Variants in BCLAF3 observed in about 807,000 individuals in gnomAD.
The protein encoded by BCLAF3 is transient octamer binding factor 1.
BCLAF3 carries 24 observed loss-of-function variants against 51.2 expected under a neutral mutation model. That is an observed-to-expected ratio of 0.47 (90% CI 0.34 to 0.66). The LOEUF is 0.66. Among genes scored for constraint, BCLAF3 ranks in the 30% least tolerant of loss-of-function variants. The pLI is 0.01. For synonymous variants in BCLAF3, 152 were observed against 176.6 expected, an observed-to-expected ratio of 0.86 and a Z score of 1.10; for missense variants, 465 against 525.1, an observed-to-expected ratio of 0.89 and a Z score of 1.12.
At chrX:19,987,065 CAA>C (rs2072824664) in intron 1 of BCLAF3, among the ~76,000 whole-genome samples, 1 of 110,480 alleles carries the variant, frequency 9.1e-6, no homozygotes. Flanking sequence ...TTCAGCCTCC[CAA>C]AGTGCTGGGA....
In BCLAF3 at chrX:19,913,721, C is replaced by T. The variant is rs773150289; in HGVS notation, c.*3584G>A. 1 of 111,749 alleles carries T rather than the reference C, an allele frequency of 8.9e-6. No homozygotes were observed. The highest frequency in any genetic ancestry group is 9.5e-5 in the Admixed American group (1 of 10,562). The allele number at this position is 111,749 out of a possible 1,213,427, so 9.2% of individuals were successfully genotyped here. Reference sequence around the variant, plus strand: ...AAGGAAAAAAAAGATTGTGGAAAAACTTAAGGTTGGTCACTAGCGTTTTTC... The same window carrying T: ...AAGGAAAAAAAAGATTGTGGAAAAATTTAAGGTTGGTCACTAGCGTTTTTC... On this transcript the variant is annotated 3_prime_UTR_variant, in exon 12 of 12. Transcript: ENST00000379682.
chrX:19,966,585 C>T lies in BCLAF3; in HGVS notation c.106G>A (p.Gly36Ser), dbSNP rs2072066411. 1.1e-5 allele frequency: 13 copies of T among 1,211,121 alleles called. No homozygotes were observed. In the East Asian group the frequency reaches 3.8e-4, roughly 36 times the overall value. ...YKQRHSHGHY[G>S]CEYRKDPKRP... ...TTTGGATCCTTCCTATATTCACAGC[C>T]ATAATGCCCGTGTGAATGTCTTTGC... The change falls in exon 3 of 12, where the codon GGC (glycine) becomes AGC (serine). Residue 36 changes from glycine (G) to serine (S), a missense_variant. Gly to Ser is a moderately conservative substitution (Grantham distance 56). Coordinates refer to ENST00000379682, the MANE Select transcript of BCLAF3 (RefSeq NM_001367774.2).
intron 4 of BCLAF3, among the ~76,000 whole-genome samples, chrX:19,964,542 G>A (rs2071978446): frequency 9.1e-6 from 1 of 110,223 alleles, no homozygotes; most frequent in Non-Finnish European, 1.9e-5. Context: ...AAGGGAACAC[G>A]TGGATTTGAG....
chrX:19,919,217 G>A (rs2070041379), intron 11 of BCLAF3, among the ~76,000 whole-genome samples: 1 of 111,846 alleles, frequency 8.9e-6, no homozygotes, highest in Admixed American at 9.5e-5. Flanking sequence ...TCTACCTCCT[G>A]TAAGAAGAGT....
At position 19,915,664 on chromosome X, in the gene BCLAF3, T is replaced by C. The variant is rs1821020246; in HGVS notation, c.*1641A>G. ...TCGTACCATAAAGGCAGGGTCCATG[T>C]GTCTTGTCTTCTTGTTCATTGCTGT... On this transcript the variant is annotated 3_prime_UTR_variant, in exon 12 of 12. Coordinates refer to ENST00000379682, the MANE Select transcript of BCLAF3 (RefSeq NM_001367774.2). The C allele has an allele frequency of 8.9e-6, 1 of 112,262 alleles. No homozygotes were observed. Among genetic ancestry groups the C allele is most frequent in the Admixed American group, 9.5e-5 (1 of 10,486 alleles). The allele number at this position is 112,262 out of a possible 1,213,427, so 9.3% of individuals were successfully genotyped here. A position where few individuals can be genotyped will look rare whatever the true frequency, so the allele number is the denominator to read the frequency against.
intron 4 of BCLAF3, among the ~76,000 whole-genome samples, chrX:19,960,402 G>A (rs1470199392): frequency 9.0e-6 from 1 of 110,558 alleles, no homozygotes; most frequent in African/African-American, 3.3e-5. Context: ...GTGGTCCATA[G>A]GAAGACAAAA....
At chrX:19,967,160 C>T (rs2147965981) in intron 2 of BCLAF3, among the ~76,000 whole-genome samples, 1 of 111,856 alleles carries the variant, frequency 8.9e-6, no homozygotes, top group South Asian at 3.7e-4. Flanking sequence ...TGCTACAATT[C>T]AAACTCAGAC....
Position 19,978,606 on chromosome X carries a change from G to A in BCLAF3, c.-34-8308C>T, listed in dbSNP as rs143581073. Among the ~76,000 whole-genome samples, 888 of 112,303 alleles carry A rather than the reference G, an allele frequency of 7.9e-3. 12 individuals are homozygous for A. The highest frequency in any genetic ancestry group is 0.027 in the African/African-American group (849 of 30,916). On this transcript the variant is annotated intron_variant, in intron 1 of 11. Coordinates refer to ENST00000379682, the MANE Select transcript of BCLAF3 (RefSeq NM_001367774.2). ...TCCTGGTGAAGATGCTATGAACATC[G>A]TTGAAATTATAAAAAAGGATTTAGA...
chrX:19,953,832 A>G lies in BCLAF3; in HGVS notation c.1511T>C (p.Ile504Thr). ...LHERFSTMQD[I>T]HKADVNEIPL... is the part of the protein sequence containing the mutation. Reference sequence around the variant, plus strand: ...AATTTCATTTACATCTGCCTTGTGTATATCTTGCATTGTTGAGAAACGCTC... The same window carrying G: ...AATTTCATTTACATCTGCCTTGTGTGTATCTTGCATTGTTGAGAAACGCTC... The change falls in exon 6 of 12, where the codon ATA becomes ACA. Residue 504 changes from isoleucine to threonine, a missense_variant. Physicochemically the swap from Ile to Thr is moderately conservative, Grantham distance 89. Coordinates refer to ENST00000379682, the MANE Select transcript of BCLAF3 (RefSeq NM_001367774.2). 1.7e-6 allele frequency: 2 copies of G among 1,209,139 alleles called. No homozygotes were observed. Among genetic ancestry groups the G allele is most frequent in the Non-Finnish European group, 2.2e-6 (2 of 893,588 alleles).
At chrX:19,926,038 A>C (rs2070344461) in intron 11 of BCLAF3, among the ~76,000 whole-genome samples, 1 of 111,877 alleles carries the variant, frequency 8.9e-6, no homozygotes. Context: ...ACAAATCTAT[A>C]AAAATTGTGG....
At chrX:19,949,962 A>C (rs1398398304) in intron 8 of BCLAF3, among the ~76,000 whole-genome samples, 2 of 111,532 alleles carry the variant, frequency 1.8e-5, no homozygotes. Context: ...TCAGAACTAG[A>C]GATAAACTGG....
In BCLAF3 at chrX:19,936,789, G is replaced by A. The variant is rs192096138; in HGVS notation, c.1860+629C>T. Among the ~76,000 whole-genome samples the A allele has an allele frequency of 4.2e-3, 468 of 111,727 alleles. 2 individuals are homozygous for A. The highest frequency in any genetic ancestry group is 0.014 in the African/African-American group (439 of 30,787). On this transcript the variant is annotated intron_variant, in intron 9 of 11. Transcript: ENST00000379682. ...AGGCAAATCTTTAAGACAGAAAGTA[G>A]ATTAGTGTTGGTTGGGGGTGGCAAA...
chrX:19,921,459 T>G (rs746469051), intron 11 of BCLAF3, among the ~76,000 whole-genome samples: 2 of 112,132 alleles, frequency 1.8e-5, no homozygotes, highest in African/African-American at 3.2e-5. Context: ...ATAAAATAAA[T>G]TCTAGAGGCC....
chrX:19,960,983 G>A (rs1395545131), intron 4 of BCLAF3, among the ~76,000 whole-genome samples: 2 of 111,775 alleles, frequency 1.8e-5, no homozygotes, highest in African/African-American at 6.5e-5. Context: ...CAGCTTCCCA[G>A]GAGATCAAAG....
chrX:19,935,778 C>T (rs755807981), intron 10 of BCLAF3, 31 bp downstream of exon 10: 18 of 1,119,855 alleles, frequency 1.6e-5, no homozygotes, highest in Non-Finnish European at 2.0e-5. Context: ...AAAACCAAAG[C>T]TGGAATTAAA....
At chrX:19,940,489 C>T (rs1297611559) in intron 8 of BCLAF3, among the ~76,000 whole-genome samples, 2 of 110,296 alleles carry the variant, frequency 1.8e-5, no homozygotes, top group Non-Finnish European at 3.8e-5. Flanking sequence ...TCTCATTGTT[C>T]AATTCCCACC....
Position 19,945,931 on chromosome X carries a change from G to A in BCLAF3, c.1745+4822C>T, listed in dbSNP as rs752479218. Reference sequence around the variant, plus strand: ...CTGTGCTAGCAATCAGCGAGATTCCGTGGGCGTAGGACCCTCCGAGCCAGG... The same window carrying A: ...CTGTGCTAGCAATCAGCGAGATTCCATGGGCGTAGGACCCTCCGAGCCAGG... On this transcript the variant is annotated intron_variant, in intron 8 of 11. Transcript: ENST00000379682. 2.4e-4 allele frequency among the ~76,000 whole-genome samples: 26 copies of A among 108,309 alleles called. 1 individual carries two copies. In the East Asian group the frequency reaches 7.5e-3, roughly 31 times the overall value. 94.1% of individuals were successfully genotyped at this position (108,309 alleles called of 115,157 possible).
chrX:19,961,940 A>C (rs1471665215), intron 4 of BCLAF3, among the ~76,000 whole-genome samples: 2 of 111,946 alleles, frequency 1.8e-5, no homozygotes, highest in African/African-American at 6.5e-5. Flanking sequence ...ATAGTTTATA[A>C]ATTCAAAAGA....
At chrX:19,959,602 A>T (rs185447841) in intron 4 of BCLAF3, among the ~76,000 whole-genome samples, 22 of 106,236 alleles carry the variant, frequency 2.1e-4, no homozygotes, top group African/African-American at 7.6e-4. Context: ...GCAAGACCTC[A>T]TCTCGACTAA....
Sources: gnomAD v4.1 joint callset for allele counts (sites outside exome capture counted in the v4.1 genomes callset) on GRCh38, gnomAD v4.1.1 for gene constraint, MANE v1.5 for transcripts, NCBI Gene and HGNC (gene_info 2026-07-23, HGNC 2026-07-21) for gene names.